Variants in TAF1 observed in about 807,000 individuals in gnomAD.
TAF1 encodes the protein TATA-box binding protein associated factor 1.
Under a neutral mutation model 138.5 loss-of-function variants are expected in TAF1, and 2 were observed. The observed-to-expected ratio is 0.01, with a 90% CI of 0.01 to 0.05. The LOEUF is 0.05. Among genes scored for constraint, TAF1 ranks in the 10% least tolerant of loss-of-function variants. TAF1 has a pLI of 1.00. For missense variants in TAF1, 709 were observed against 1,478.0 expected (o/e 0.48, Z 8.53); for synonymous variants, 437 against 503.2 (o/e 0.87, Z 1.76).
rs191811528 is a variant in TAF1 at position 71,451,461 on chromosome X, T to G, written c.4754-2709T>G. Among the ~76,000 whole-genome samples, 413 of 111,007 alleles carry G rather than the reference T, an allele frequency of 3.7e-3. 2 individuals carry two copies. The highest frequency in any genetic ancestry group is 0.014 in the Middle Eastern group (3 of 213). On this transcript the variant is annotated intron_variant, in intron 32 of 37. Coordinates refer to ENST00000423759, the MANE Select transcript of TAF1 (RefSeq NM_004606.5). ...TATTTTAGATGTGATATAGTTGGTT[T>G]GTTTTTATTTTTTATTTTTTTTTCC...
intron 13 of TAF1, among the ~76,000 whole-genome samples, chrX:71,479,837 A>G (rs1286376944): frequency 1.8e-5 from 2 of 111,716 alleles, no homozygotes; most frequent in African/African-American, 6.5e-5. Context: ...CTGAAAAAAA[A>G]GTGACTGGAA....
intron 28 of TAF1, 33 bp downstream of exon 28, chrX:71,408,184 C>G: frequency 8.3e-7 from 1 of 1,201,559 alleles, no homozygotes; most frequent in Non-Finnish European, 1.1e-6. Flanking sequence ...TTGCAAAGGT[C>G]ACTGTTCAGA....
In TAF1 at chrX:71,438,547, G is replaced by A. The variant is rs2037259745; in HGVS notation, c.4753+14309G>A. Among the ~76,000 whole-genome samples, 3 of 111,705 alleles carry A rather than the reference G, an allele frequency of 2.7e-5. No homozygotes were observed. In the South Asian group the frequency reaches 1.1e-3, roughly 42 times the overall value. ...CCAGTAATGCCTCGCTTAGCTTTAA[G>A]CTGGCTTCCACCCTGTCCAGTCTAC... On this transcript the variant is annotated intron_variant, in intron 32 of 37. Transcript: ENST00000423759.
At chrX:71,400,508 A>T (rs1426845666) in intron 24 of TAF1, among the ~76,000 whole-genome samples, 1 of 112,297 alleles carries the variant, frequency 8.9e-6, no homozygotes, top group Non-Finnish European at 1.9e-5. Context: ...AGTAAAACAT[A>T]CAAGTTGTTT....
intron 32 of TAF1, among the ~76,000 whole-genome samples, chrX:71,427,270 A>G (rs1026197835): frequency 8.9e-6 from 1 of 112,237 alleles, no homozygotes; most frequent in Non-Finnish European, 1.9e-5. Context: ...GTACTTTCTC[A>G]GTTTGCTGTG....
At chrX:71,406,344 AAAG>A (rs202016067) in intron 25 of TAF1, among the ~76,000 whole-genome samples, 1,424 of 105,198 alleles carry the variant, frequency 0.014, 31 homozygotes, top group African/African-American at 0.049. Flanking sequence ...AAAAAAAAAA[AAAG>A]AGAATGTTGG....
At position 71,476,887 on chromosome X, in the gene TAF1, G is replaced by A. The variant is rs993350636; in HGVS notation, c.1366+16084G>A. Among the ~76,000 whole-genome samples the A allele has an allele frequency of 4.5e-5, 5 of 110,010 alleles. No individual in the cohort carries two copies. In the East Asian group the frequency reaches 8.5e-4, roughly 19 times the overall value. On this transcript the variant is annotated intron_variant and NMD_transcript_variant, in intron 13 of 14. Coordinates refer to the TAF1 transcript ENST00000373775. Reference sequence around the variant, plus strand: ...ATGGGATCCCTACCTCGTACATCACGCAAAAATCAATCTAGATGGATAAAA... The same window carrying A: ...ATGGGATCCCTACCTCGTACATCACACAAAAATCAATCTAGATGGATAAAA...
intron 32 of TAF1, among the ~76,000 whole-genome samples, chrX:71,443,011 C>T (rs1025580245): frequency 9.0e-6 from 1 of 111,443 alleles, no homozygotes; most frequent in African/African-American, 3.3e-5. Flanking sequence ...TGTTCTGTTC[C>T]ATTGGTCTGT....
At chrX:71,459,328 A>G (rs1295728238) in intron 35 of TAF1, 1 of 1,056,768 alleles carries the variant, frequency 9.5e-7, no homozygotes. Context: ...AGGCCAGGCC[A>G]AATCCTAAGA....
intron 32 of TAF1, among the ~76,000 whole-genome samples, chrX:71,439,601 CT>C (rs1381847619): frequency 8.9e-6 from 1 of 112,041 alleles, no homozygotes; most frequent in Non-Finnish European, 1.9e-5. Flanking sequence ...GTCTTAGGTA[CT>C]TTTTTCTATG....
intron 13 of TAF1, among the ~76,000 whole-genome samples, chrX:71,473,050 A>G (rs1470901992): frequency 8.9e-6 from 1 of 112,324 alleles, no homozygotes; most frequent in East Asian, 2.8e-4. Context: ...CACTTGTTCA[A>G]TAAACATTCC....
At chrX:71,428,815 G>T (rs1031104875) in intron 32 of TAF1, among the ~76,000 whole-genome samples, 5 of 111,844 alleles carry the variant, frequency 4.5e-5, no homozygotes, top group African/African-American at 1.6e-4. Flanking sequence ...AGAGCACAAA[G>T]ATGTTTATTT....
Position 71,507,895 on chromosome X carries a change from G to C in TAF1, c.1367-20647G>C, listed in dbSNP as rs1426315770. Among the ~76,000 whole-genome samples the C allele has an allele frequency of 4.6e-5, 5 of 109,863 alleles. No homozygotes were observed. The Admixed American group carries it at 4.9e-4, about 11-fold the overall frequency. Reference sequence around the variant, plus strand: ...CCGGGCATGGTGGCTCACACCTGAGGCATGAGAATCACGTGAATCTGGGGT... The same window carrying C: ...CCGGGCATGGTGGCTCACACCTGAGCCATGAGAATCACGTGAATCTGGGGT... On this transcript the variant is annotated intron_variant and NMD_transcript_variant, in intron 13 of 14. Coordinates refer to the TAF1 transcript ENST00000373775.
At chrX:71,376,875 A>G in intron 4 of TAF1, 75 bp from the exon 5 acceptor site, 1 of 1,174,782 alleles carries the variant, frequency 8.5e-7, no homozygotes, top group Non-Finnish European at 1.1e-6. Context: ...TGTATAGCCT[A>G]AAGTGGGTGT....
chrX:71,500,500 C>A (rs2039480029), intron 13 of TAF1, among the ~76,000 whole-genome samples: 1 of 110,011 alleles, frequency 9.1e-6, no homozygotes, highest in Non-Finnish European at 1.9e-5. Context: ...GAAAAAACCA[C>A]CCATGGTTTT....
At chrX:71,406,856 A>AATC (rs1224605262) in intron 26 of TAF1, 110 bp downstream of exon 26, 2 of 549,986 alleles carry the variant, frequency 3.6e-6, no homozygotes, top group African/African-American at 4.8e-5. Context: ...TGCCCTGAGA[A>AATC]TTATTTGTAC....
intron 13 of TAF1, among the ~76,000 whole-genome samples, chrX:71,514,633 A>G (rs1180463604): frequency 9.0e-6 from 1 of 111,220 alleles, no homozygotes; most frequent in African/African-American, 3.3e-5. Flanking sequence ...CTGAAGTGCA[A>G]CAGAGAAGGT....
chrX:71,526,855 G>A (rs773852048), intron 13 of TAF1, among the ~76,000 whole-genome samples: 2 of 106,172 alleles, frequency 1.9e-5, no homozygotes, highest in African/African-American at 3.4e-5. Context: ...ATCACGTAAG[G>A]CCAGGAGTTC....
intron 25 of TAF1, among the ~76,000 whole-genome samples, chrX:71,403,627 T>C (rs1053386990): frequency 4.8e-4 from 54 of 111,694 alleles, no homozygotes; most frequent in African/African-American, 1.7e-3. Context: ...TCCCTGACAA[T>C]CTTTTAATAG....
Sources: gnomAD v4.1 joint callset for allele counts (sites outside exome capture counted in the v4.1 genomes callset) on GRCh38, gnomAD v4.1.1 for gene constraint, MANE v1.5 for transcripts, NCBI Gene and HGNC (gene_info 2026-07-23, HGNC 2026-07-21) for gene names.